Variants in POLR1E observed in about 807,000 individuals in gnomAD.
The protein encoded by POLR1E is RNA polymerase I subunit E, also known as DNA-directed RNA polymerase I subunit RPA49.
A neutral mutation model predicts 50.9 loss-of-function variants in POLR1E; 37 were observed. That is an observed-to-expected ratio of 0.73 (90% confidence interval 0.56 to 0.96). POLR1E has a LOEUF of 0.96. Among genes scored for constraint, POLR1E ranks in the 40% least tolerant of loss-of-function variants. The pLI is 0.00. For synonymous variants in POLR1E, 166 were observed against 191.6 expected (o/e 0.87, Z 1.10); for missense variants, 426 against 518.1 (o/e 0.82, Z 1.73).
At chr9:37,502,681 A>C (rs1253939795) in intron 11 of POLR1E, among the ~76,000 whole-genome samples, 1 of 152,166 alleles carries the variant, frequency 6.6e-6, no homozygotes, top group Non-Finnish European at 1.5e-5. Flanking sequence ...ACAGGCAGTG[A>C]GGCTGAAAAA....
chr9:37,489,501 TTTTAA>T (rs1820642670), intron 4 of POLR1E, 101 bp downstream of exon 4: 1 of 743,768 alleles, frequency 1.3e-6, no homozygotes, highest in East Asian at 3.0e-5. Context: ...TTTATAGTTA[TTTTAA>T]TTTATTTATT....
chr9:37,492,088 C>CTT (rs61243674), intron 4 of POLR1E, among the ~76,000 whole-genome samples: 1 of 151,942 alleles, frequency 6.6e-6, no homozygotes, highest in Non-Finnish European at 1.5e-5. Context: ...TACTGTTGTT[C>CTT]TTTTTTTACC....
intron 6 of POLR1E, 27 bp downstream of exon 6, chr9:37,493,730 G>C: frequency 6.8e-7 from 1 of 1,466,896 alleles, no homozygotes; most frequent in Non-Finnish European, 9.1e-7. Context: ...TGGGCTAAGA[G>C]TCTGCCCATA....
chr9:37,487,817 C>T (rs757259255), intron 2 of POLR1E, 46 bp from the exon 3 acceptor site: 4 of 1,550,256 alleles, frequency 2.6e-6, no homozygotes, highest in Non-Finnish European at 3.6e-6. Flanking sequence ...TGCTTAATAC[C>T]TTTCAACATT....
chr9:37,491,591 G>A (rs1820686689), intron 4 of POLR1E, among the ~76,000 whole-genome samples: 1 of 151,912 alleles, frequency 6.6e-6, no homozygotes, highest in East Asian at 1.9e-4. Flanking sequence ...AGCCTCTTGA[G>A]TAGCTGGGGT....
chr9:37,500,709 GCCCTGCTTCTCTTACC>G, intron 9 of POLR1E, 115 bp from the exon 10 acceptor site: 1 of 654,650 alleles, frequency 1.5e-6, no homozygotes, highest in Non-Finnish European at 2.7e-6. Flanking sequence ...CTTTGTGTGG[GCCCTGCTTCTCTTACC>G]ACCTGGTTCT....
rs1820762390 is a variant in POLR1E, at chr9:37,495,182, T to C, written c.561T>C (p.Asp187=). 1 of 1,613,678 alleles carries C rather than the reference T, an allele frequency of 6.2e-7. No homozygotes were observed. The highest frequency in any genetic ancestry group is 1.3e-5 in the African/African-American group (1 of 74,940). The change falls in exon 7 of 12, where the codon GAT becomes GAC. Residue 187 remains aspartate (D), a synonymous_variant. Coordinates refer to ENST00000377798, the MANE Select transcript of POLR1E (RefSeq NM_022490.4). The stretch of plus-strand genomic sequence containing the variant: ...TTTATTGAAAAGCTCTGGTCAGCGA[T>C]GCTATCCACAATGACTTGCAAGATG... ...DTKGVTALVS[D]AIHNDLQDDS...
intron 6 of POLR1E, among the ~76,000 whole-genome samples, chr9:37,494,676 C>T (rs1000748289): frequency 6.6e-6 from 1 of 152,126 alleles, no homozygotes; most frequent in African/African-American, 2.4e-5. Context: ...TGGGCTCAAG[C>T]CATCCTCCCG....
intron 1 of POLR1E, 26 bp downstream of exon 1, chr9:37,486,149 G>A: frequency 6.4e-7 from 1 of 1,572,876 alleles, no homozygotes; most frequent in Non-Finnish European, 8.6e-7. Context: ...CTGGAGCAGT[G>A]CTCCTCTAAC....
chr9:37,490,435 C>A, intron 4 of POLR1E: 1 of 801,468 alleles, frequency 1.2e-6, no homozygotes. Flanking sequence ...GCCATGAATT[C>A]ATAGGGAATA....
At chr9:37,490,381 AT>A in intron 4 of POLR1E, 1 of 660,838 alleles carries the variant, frequency 1.5e-6, no homozygotes, top group Non-Finnish European at 2.7e-6. Context: ...GAAGAGAAAC[AT>A]TTTTACAGTC....
intron 11 of POLR1E, among the ~76,000 whole-genome samples, chr9:37,502,786 G>C (rs774153766): frequency 2.6e-5 from 4 of 152,158 alleles, no homozygotes; most frequent in African/African-American, 9.7e-5. Flanking sequence ...AGTTGCTCAC[G>C]GGGCTGTAGA....
intron 9 of POLR1E, among the ~76,000 whole-genome samples, chr9:37,498,484 A>G (rs10973375): frequency 0.22 from 32,764 of 152,218 alleles, 3,692 homozygotes; most frequent in East Asian, 0.26. Flanking sequence ...CAGAGCTAAC[A>G]TTTGCTACTT....
intron 4 of POLR1E, among the ~76,000 whole-genome samples, chr9:37,491,527 A>G (rs1011396514): frequency 2.7e-5 from 4 of 150,808 alleles, no homozygotes; most frequent in African/African-American, 9.8e-5. Flanking sequence ...GTAGTGGTGC[A>G]ATCTGGGCTC....
intron 3 of POLR1E, among the ~76,000 whole-genome samples, 164 bp from the exon 4 acceptor site, chr9:37,489,151 T>C (rs1429415772): frequency 6.6e-6 from 1 of 151,868 alleles, no homozygotes; most frequent in Non-Finnish European, 1.5e-5. Context: ...GACAGGAGAA[T>C]TGCTTGAACC....
At chr9:37,495,375 A>G in intron 7 of POLR1E, 99 bp downstream of exon 7, 1 of 998,696 alleles carries the variant, frequency 1.0e-6, no homozygotes, top group Non-Finnish European at 1.6e-6. Context: ...GTTCTGTGAC[A>G]TTCACAAGAG....
At chr9:37,493,832 G>A in intron 6 of POLR1E, 129 bp downstream of exon 6, 12 of 980,216 alleles carry the variant, frequency 1.2e-5, no homozygotes, top group Non-Finnish European at 1.7e-5. Context: ...TCTTGCTGAA[G>A]GCCTTCTCAC....
At chr9:37,493,293 T>C (rs1820718131) in intron 5 of POLR1E, among the ~76,000 whole-genome samples, 2 of 152,196 alleles carry the variant, frequency 1.3e-5, no homozygotes, top group African/African-American at 4.8e-5. Flanking sequence ...GATGGGAGAA[T>C]GGTAAGCCAT....
intron 10 of POLR1E, 57 bp downstream of exon 10, chr9:37,500,978 G>A: frequency 1.4e-6 from 2 of 1,473,968 alleles, no homozygotes; most frequent in Non-Finnish European, 1.9e-6. Context: ...TGGGGGTTGG[G>A]AGTGAGGAGC....
Sources: gnomAD v4.1 joint callset for allele counts (sites outside exome capture counted in the v4.1 genomes callset) on GRCh38, gnomAD v4.1.1 for gene constraint, MANE v1.5 for transcripts, NCBI Gene and HGNC (gene_info 2026-07-23, HGNC 2026-07-21) for gene names.